STK3: variants seen among roughly 807,000 people sequenced by gnomAD.
STK3 encodes serine/threonine-protein kinase 3.
A neutral mutation model predicts 58.0 loss-of-function variants in STK3; 41 were observed. That is an observed-to-expected ratio of 0.71 (90% CI 0.55 to 0.92). STK3 has a LOEUF of 0.92. Ranked by LOEUF, STK3 falls within the 40% of genes least tolerant of loss-of-function variation. The pLI is 0.00. For synonymous variants in STK3, 170 were observed against 191.0 expected, an observed-to-expected ratio of 0.89 and a Z score of 0.91; for missense variants, 479 against 602.7, an observed-to-expected ratio of 0.79 and a Z score of 2.15.
At chr8:98,900,581 A>G in intron 1 of STK3, among the ~76,000 whole-genome samples, 1 of 152,104 alleles carries the variant, frequency 6.6e-6, no homozygotes, top group East Asian at 1.9e-4. Context: ...TGTATACATT[A>G]CACATAGTTT....
chr8:98,502,798 C>T (rs1293269773), intron 10 of STK3, among the ~76,000 whole-genome samples: 10 of 152,068 alleles, frequency 6.6e-5, no homozygotes, highest in African/African-American at 1.4e-4. Flanking sequence ...TTGCTGGATT[C>T]GGTTTCCCAG....
At chr8:98,941,090 C>T (rs1840405173) in intron 1 of STK3, among the ~76,000 whole-genome samples, 1 of 152,238 alleles carries the variant, frequency 6.6e-6, no homozygotes. Flanking sequence ...GCCCCCTCAG[C>T]CCGCGCCACG....
chr8:98,921,072 G>T (rs1564105699), intron 1 of STK3, among the ~76,000 whole-genome samples: 1 of 152,190 alleles, frequency 6.6e-6, no homozygotes, highest in South Asian at 2.1e-4. Flanking sequence ...GATCAGCCTG[G>T]TGCAAATGGA....
At chr8:98,344,677 A>C in the STK3 span, among the ~76,000 whole-genome samples, 2 of 151,916 alleles carry the variant, frequency 1.3e-5, no homozygotes. Context: ...GCGGATCACG[A>C]GGTCAGGAGA....
At chr8:98,502,866 T>C (rs1206883649) in intron 10 of STK3, among the ~76,000 whole-genome samples, 1 of 152,176 alleles carries the variant, frequency 6.6e-6, no homozygotes, top group African/African-American at 2.4e-5. Flanking sequence ...TAAAATTCTC[T>C]TTTTTTGTGT....
intron 6 of STK3, among the ~76,000 whole-genome samples, chr8:98,697,677 T>A (rs1321648846): frequency 2.6e-5 from 4 of 152,194 alleles, no homozygotes; most frequent in Non-Finnish European, 4.4e-5. Flanking sequence ...TTTGAGTGAG[T>A]TTCTTAATCC....
chr8:98,579,328 G>A (rs566760086), intron 8 of STK3, among the ~76,000 whole-genome samples: 1 of 152,246 alleles, frequency 6.6e-6, no homozygotes, highest in Non-Finnish European at 1.5e-5. Flanking sequence ...CTACAGCATA[G>A]CTGGTGACCA....
chr8:98,674,436 C>A lies in STK3; in HGVS notation c.684+32031G>T, dbSNP rs529787210. Among the ~76,000 whole-genome samples the A allele has an allele frequency of 4.6e-5, 7 of 152,112 alleles. No individual in the cohort carries two copies. In the South Asian group the frequency reaches 1.5e-3, roughly 32 times the overall value. ...TGGGATACAAAAATGGAATTTAGAA[C>A]TGGATCAGCCTGGGGAAAGCAAATT... On this transcript the variant is annotated intron_variant, in intron 6 of 10. Coordinates refer to ENST00000419617, the MANE Select transcript of STK3 (RefSeq NM_006281.4).
chr8:98,483,587 T>C (rs528025372), intron 10 of STK3, among the ~76,000 whole-genome samples: 31 of 152,308 alleles, frequency 2.0e-4, no homozygotes, highest in African/African-American at 7.5e-4. Flanking sequence ...AGTAAATACA[T>C]AGTCCTGCCA....
intron 3 of STK3, among the ~76,000 whole-genome samples, chr8:98,402,928 T>A (rs1817958143): frequency 6.6e-6 from 1 of 152,168 alleles, no homozygotes; most frequent in Non-Finnish European, 1.5e-5. Context: ...GACCCCACAA[T>A]GGGGACACCG....
chr8:98,815,699 A>G (rs1168164252), intron 1 of STK3, among the ~76,000 whole-genome samples: 2 of 152,234 alleles, frequency 1.3e-5, no homozygotes, highest in Non-Finnish European at 1.5e-5. Flanking sequence ...CCACCTTTGG[A>G]GAAAGACAGG....
At chr8:98,827,269 G>A (rs1211688120), upstream of STK3, among the ~76,000 whole-genome samples, 1 of 152,220 alleles carries the variant, frequency 6.6e-6, no homozygotes, top group African/African-American at 2.4e-5. Flanking sequence ...GGGAGGCAGA[G>A]GTTGCAGTGA....
chr8:98,928,774 G>C (rs867960861), intron 1 of STK3, among the ~76,000 whole-genome samples: 5 of 152,270 alleles, frequency 3.3e-5, no homozygotes, highest in Middle Eastern at 3.4e-3. Context: ...TCTCCCCAAA[G>C]GAAGCACAAA....
chr8:98,444,916 T>C (rs1818870675), intron 1 of STK3, among the ~76,000 whole-genome samples: 1 of 152,210 alleles, frequency 6.6e-6, no homozygotes, highest in South Asian at 2.1e-4. Flanking sequence ...TGAATATTGC[T>C]GTTGAATTCA....
intron 1 of STK3, among the ~76,000 whole-genome samples, chr8:98,929,759 G>A (rs1480598940): frequency 6.6e-6 from 1 of 152,194 alleles, no homozygotes; most frequent in Non-Finnish European, 1.5e-5. Context: ...TTTTTAGTGT[G>A]TTATAATCTG....
intron 4 of STK3, among the ~76,000 whole-genome samples, chr8:98,708,095 C>A (rs1256493379): frequency 6.6e-6 from 1 of 150,560 alleles, no homozygotes; most frequent in Non-Finnish European, 1.5e-5. Flanking sequence ...GCTGAGATCA[C>A]ATCACTGCAT....
intron 6 of STK3, chr8:98,633,856 A>G: frequency 2.4e-6 from 1 of 416,106 alleles, no homozygotes; most frequent in Non-Finnish European, 4.6e-6. Flanking sequence ...GAAGTCATCA[A>G]AAAACCCCAG....
intron 3 of STK3, among the ~76,000 whole-genome samples, chr8:98,853,540 G>A (rs1187948215): frequency 6.6e-6 from 1 of 152,158 alleles, no homozygotes; most frequent in East Asian, 1.9e-4. Flanking sequence ...TTTTATGGCT[G>A]GTCCTGACTT....
intron 1 of STK3, among the ~76,000 whole-genome samples, chr8:98,902,289 CT>C (rs2131954954): frequency 6.6e-6 from 1 of 152,274 alleles, no homozygotes; most frequent in South Asian, 2.1e-4. Flanking sequence ...CCAGCTCAGA[CT>C]TTTCTGAGCT....
Sources: gnomAD v4.1 joint callset for allele counts (sites outside exome capture counted in the v4.1 genomes callset) on GRCh38, gnomAD v4.1.1 for gene constraint, MANE v1.5 for transcripts, NCBI Gene and HGNC (gene_info 2026-07-23, HGNC 2026-07-21) for gene names.